Variants in PARD3B observed in about 807,000 individuals in gnomAD.
PARD3B encodes partitioning defective 3 homolog B.
PARD3B carries 103 observed loss-of-function variants against 130.2 expected under a neutral mutation model. The observed-to-expected ratio is 0.79, with a 90% CI of 0.67 to 0.93. The LOEUF is 0.93. PARD3B is among the 40% of genes least tolerant of loss of function. The probability of loss-of-function intolerance (pLI) is 0.00; values close to 1 mark genes in which losing one functional copy is unlikely to be tolerated. For missense variants in PARD3B, 1,609 were observed against 1,499.2 expected (o/e 1.07, Z -1.21); for synonymous variants, 583 against 553.2 (o/e 1.05, Z -0.76).
intron 10 of PARD3B, among the ~76,000 whole-genome samples, chr2:205,126,875 A>G (rs2031489381): frequency 6.6e-6 from 1 of 151,952 alleles, no homozygotes; most frequent in Non-Finnish European, 1.5e-5. Flanking sequence ...ATTAAATTAC[A>G]TTTTAAAACG....
At chr2:204,782,265 T>C (rs10204710) in intron 2 of PARD3B, among the ~76,000 whole-genome samples, 138,113 of 151,956 alleles carry the variant, frequency 0.91, 63,088 homozygotes, top group Middle Eastern at 0.97. Context: ...GAGAGAATGT[T>C]TTTTATATCA....
At position 205,078,293 on chromosome 2, in the gene PARD3B, CAG is replaced by C. The variant is rs1701194506; in HGVS notation, c.505-26130_505-26129del. Among the ~76,000 whole-genome samples, 1 of 152,198 alleles carries C rather than the reference CAG, an allele frequency of 6.6e-6. No homozygotes were observed. Among genetic ancestry groups the C allele is most frequent in the African/African-American group, 2.4e-5 (1 of 41,454 alleles). ...GCTTTGTTCCTTTTATTAGATGTGA[CAG>C]AGCAATTTAGTATTGTAGGTTCACT... On this transcript the variant is annotated intron_variant, in intron 4 of 22. Coordinates refer to ENST00000406610, the MANE Select transcript of PARD3B (RefSeq NM_001302769.2). This position sits in a 1 kb window ranked among gnomAD's most constrained non-coding sequence, Gnocchi z 4.0.
chr2:205,309,387 A>T lies in PARD3B; in HGVS notation c.2630+7686A>T, dbSNP rs193035671. Among the ~76,000 whole-genome samples, 1 of 152,264 alleles carries T rather than the reference A, an allele frequency of 6.6e-6. No individual in the cohort carries two copies. The highest frequency in any genetic ancestry group is 6.5e-5 in the Admixed American group (1 of 15,288). Reference sequence around the variant, plus strand: ...AGCATCAGACAAAGCTAAATCATGAACCCTTGAGGCAAAGGTATTTTTAAC... The same window carrying T: ...AGCATCAGACAAAGCTAAATCATGATCCCTTGAGGCAAAGGTATTTTTAAC... On this transcript the variant is annotated intron_variant, in intron 18 of 22. Transcript: ENST00000406610. This position sits in a 1 kb window ranked among gnomAD's most constrained non-coding sequence, Gnocchi z 4.7.
chr2:205,266,342 A>G (rs115573763), intron 16 of PARD3B, among the ~76,000 whole-genome samples: 2 of 152,180 alleles, frequency 1.3e-5, no homozygotes, highest in African/African-American at 2.4e-5. Context: ...TTAAGAAGAC[A>G]TAATAATGAG....
chr2:204,787,923 C>T (rs2042066669), intron 2 of PARD3B, among the ~76,000 whole-genome samples: 1 of 152,134 alleles, frequency 6.6e-6, no homozygotes, highest in Non-Finnish European at 1.5e-5. Flanking sequence ...TCCATTGATC[C>T]TACCAGACGG....
chr2:204,953,018 A>G (rs1031401582), intron 2 of PARD3B, among the ~76,000 whole-genome samples: 1 of 150,246 alleles, frequency 6.7e-6, no homozygotes, highest in Non-Finnish European at 1.5e-5. Context: ...AAAGGTATAT[A>G]TATATATGTG....
chr2:204,786,117 A>C (rs2042002699), intron 2 of PARD3B, among the ~76,000 whole-genome samples: 8 of 146,524 alleles, frequency 5.5e-5, no homozygotes. Flanking sequence ...CCATCTCAAA[A>C]AAAAAAAAAA....
At chr2:205,149,277 C>T (rs138882370) in intron 10 of PARD3B, among the ~76,000 whole-genome samples, 154 of 152,220 alleles carry the variant, frequency 1.0e-3, no homozygotes, top group African/African-American at 3.4e-3. Flanking sequence ...TTCTTAAACC[C>T]ATGTTGGCCA....
chr2:205,001,763 G>A (rs960932980), intron 3 of PARD3B, among the ~76,000 whole-genome samples: 2 of 152,290 alleles, frequency 1.3e-5, no homozygotes, highest in African/African-American at 2.4e-5. Flanking sequence ...AACACCACAC[G>A]GTTGCACAAT....
intron 14 of PARD3B, among the ~76,000 whole-genome samples, chr2:205,191,075 G>GAAAAAAAAAAAAAAAA (rs5837960): frequency 2.0e-5 from 2 of 97,744 alleles, no homozygotes; most frequent in Non-Finnish European, 2.3e-5. Context: ...GAAAGAAATA[G>GAAAAAAAAAAAAAAAA]AAAAAAAAAA....
chr2:205,493,765 T>C (rs948661425), intron 20 of PARD3B, among the ~76,000 whole-genome samples: 2 of 147,256 alleles, frequency 1.4e-5, no homozygotes, highest in African/African-American at 5.1e-5. Context: ...TTTATTTATT[T>C]ATTTATTTTT....
intron 1 of PARD3B, among the ~76,000 whole-genome samples, chr2:204,592,881 A>AG (rs1559174028): frequency 1.3e-5 from 2 of 152,174 alleles, no homozygotes; most frequent in African/African-American, 4.8e-5. Context: ...TGTACAATCA[A>AG]TATGTGGTCC....
chr2:205,188,382 G>T (rs1033829551), intron 14 of PARD3B, among the ~76,000 whole-genome samples: 2 of 152,158 alleles, frequency 1.3e-5, no homozygotes, highest in African/African-American at 4.8e-5. Context: ...ATGCTTCTCC[G>T]GAGAGCAGTG....
At chr2:205,203,528 C>T (rs11898967) in intron 15 of PARD3B, among the ~76,000 whole-genome samples, 32,958 of 151,674 alleles carry the variant, frequency 0.22, 3,835 homozygotes, top group African/African-American at 0.3. Flanking sequence ...TAGGCACACA[C>T]GTGCCATGGT....
chr2:204,663,280 A>G (rs1427153580), intron 1 of PARD3B, among the ~76,000 whole-genome samples: 1 of 152,146 alleles, frequency 6.6e-6, no homozygotes, highest in Non-Finnish European at 1.5e-5. Flanking sequence ...GAGGTTCCCT[A>G]TGAGGTATCC....
At chr2:205,493,462 A>G (rs866258240) in intron 20 of PARD3B, among the ~76,000 whole-genome samples, 1 of 152,122 alleles carries the variant, frequency 6.6e-6, no homozygotes, top group Non-Finnish European at 1.5e-5. Context: ...TTGTGAGTAT[A>G]CAAAAATTAA....
At position 204,551,970 on chromosome 2, in the gene PARD3B, G is replaced by A. The variant is rs113084352; in HGVS notation, c.120+5851G>A. Among the ~76,000 whole-genome samples, 1,494 of 152,256 alleles carry A rather than the reference G, an allele frequency of 9.8e-3. 18 individuals are homozygous for A. The highest frequency in any genetic ancestry group is 0.035 in the African/African-American group (1,444 of 41,536). The stretch of plus-strand genomic sequence containing the variant: ...GTTCTAGATCTGCATCTTTCAAGAG[G>A]GCAGCCACTAGACATATGTGGTTGT... On this transcript the variant is annotated intron_variant, in intron 1 of 22. Transcript: ENST00000406610.
intron 18 of PARD3B, among the ~76,000 whole-genome samples, chr2:205,314,543 T>C (rs2042497648): frequency 6.6e-6 from 1 of 152,184 alleles, no homozygotes; most frequent in Admixed American, 6.5e-5. Context: ...CCTGAATCTT[T>C]GAAATAATAA....
intron 18 of PARD3B, among the ~76,000 whole-genome samples, chr2:205,312,579 G>A (rs1456070024): frequency 6.6e-6 from 1 of 152,176 alleles, no homozygotes; most frequent in Non-Finnish European, 1.5e-5. Flanking sequence ...TACAATTACA[G>A]AGGAAAAGAA....
Sources: gnomAD v4.1 joint callset for allele counts (sites outside exome capture counted in the v4.1 genomes callset) on GRCh38, gnomAD v4.1.1 for gene constraint, Gnocchi (gnomAD v3.1) non-coding constraint, MANE v1.5 for transcripts, NCBI Gene and HGNC (gene_info 2026-07-23, HGNC 2026-07-21) for gene names.